ATP2B2: variants seen among roughly 807,000 people sequenced by gnomAD.
ATP2B2 encodes ATPase plasma membrane Ca2+ transporting 2, also known as plasma membrane calcium-transporting ATPase 2.
Under a neutral mutation model 120.0 loss-of-function variants are expected in ATP2B2, and 15 were observed. That is an observed-to-expected ratio of 0.12 (90% confidence interval 0.08 to 0.19). ATP2B2 has a LOEUF of 0.19. Ranked by LOEUF, ATP2B2 falls within the 10% of genes least tolerant of loss-of-function variation. The pLI is 1.00. For missense variants in ATP2B2, 1,045 were observed against 1,719.8 expected (o/e 0.61, Z 6.94); for synonymous variants, 694 against 700.3 (o/e 0.99, Z 0.14).
intron 4 of ATP2B2, 149 bp downstream of exon 4, chr3:10,401,942 C>T (rs1245421052): frequency 5.9e-6 from 8 of 1,354,494 alleles, no homozygotes; most frequent in Admixed American, 5.3e-5. Context: ...CCTTCCACCT[C>T]CTAAAGGATC....
rs117579694 is a variant in ATP2B2, at chr3:10,478,972, C to T, written c.-320+26493G>A. ...TAAAAGTGGCACTTCCCCCTTTGGG[C>T]GCTCTCTCTCTTCTGCCACCATGTA... On this transcript the variant is annotated intron_variant, in intron 1 of 22. Transcript: ENST00000360273. Among the ~76,000 whole-genome samples, 117 of 152,278 alleles carry T rather than the reference C, an allele frequency of 7.7e-4. 5 individuals are homozygous for T. The East Asian group carries it at 0.019, about 24-fold the overall frequency.
intron 9 of ATP2B2, among the ~76,000 whole-genome samples, chr3:10,378,747 C>A (rs1026499311): frequency 6.6e-6 from 1 of 152,204 alleles, no homozygotes; most frequent in Non-Finnish European, 1.5e-5. Flanking sequence ...TCAGACAAGA[C>A]AGACAGGCTT....
At chr3:10,465,423 G>C (rs990440417) in intron 1 of ATP2B2, among the ~76,000 whole-genome samples, 1 of 152,236 alleles carries the variant, frequency 6.6e-6, no homozygotes, top group Non-Finnish European at 1.5e-5. Context: ...GGGAGGTGCT[G>C]TTTGCTTCCC....
intron 2 of ATP2B2, among the ~76,000 whole-genome samples, chr3:10,567,500 C>G (rs1464094848): frequency 6.6e-6 from 1 of 152,172 alleles, no homozygotes; most frequent in Non-Finnish European, 1.5e-5. Flanking sequence ...TGCAATCTGA[C>G]AGCCTCCCTT....
intron 2 of ATP2B2, among the ~76,000 whole-genome samples, chr3:10,617,508 G>T (rs1241809055): frequency 1.3e-5 from 2 of 152,250 alleles, no homozygotes; most frequent in African/African-American, 4.8e-5. Context: ...CTCGCTGTTT[G>T]CTCAGCATTC....
In ATP2B2 at chr3:10,656,855, G is replaced by A. The variant is rs149594564; in HGVS notation, c.-459-36894C>T. ...CCCTGGGAAGTTCCGGAGGAAGGGA[G>A]TTTCTTCCCCTAGAAGAGGGCACAG... On this transcript the variant is annotated intron_variant, in intron 1 of 21. Transcript: ENST00000646379. Among the ~76,000 whole-genome samples, 183 of 152,372 alleles carry A rather than the reference G, an allele frequency of 1.2e-3. 2 individuals are homozygous for A. Among genetic ancestry groups the A allele is most frequent in the African/African-American group, 4.0e-3 (166 of 41,588 alleles).
intron 3 of ATP2B2, among the ~76,000 whole-genome samples, chr3:10,519,311 T>C (rs1171469279): frequency 6.6e-6 from 1 of 152,196 alleles, no homozygotes; most frequent in African/African-American, 2.4e-5. Flanking sequence ...TCACTCACCG[T>C]CTGCAATAAA....
At chr3:10,416,906 G>T (rs1447594316) in intron 2 of ATP2B2, among the ~76,000 whole-genome samples, 1 of 151,468 alleles carries the variant, frequency 6.6e-6, no homozygotes, top group African/African-American at 2.4e-5. Context: ...CTTCCCAGAT[G>T]GGGCGGCAGC....
intron 1 of ATP2B2, among the ~76,000 whole-genome samples, chr3:10,652,353 G>A (rs759441994): frequency 7.2e-5 from 11 of 152,222 alleles, no homozygotes; most frequent in Non-Finnish European, 1.0e-4. Flanking sequence ...ATGATGGGCA[G>A]TCCTCTGCAG....
chr3:10,425,013 G>A (rs2063101765), intron 2 of ATP2B2, among the ~76,000 whole-genome samples: 1 of 152,044 alleles, frequency 6.6e-6, no homozygotes, highest in Admixed American at 6.6e-5. Flanking sequence ...AATTTTGGCT[G>A]GGCACGGTGG....
At chr3:10,688,385 A>C (rs905010478) in intron 1 of ATP2B2, among the ~76,000 whole-genome samples, 1 of 152,240 alleles carries the variant, frequency 6.6e-6, no homozygotes, top group Non-Finnish European at 1.5e-5. Flanking sequence ...GGAGCTTGTC[A>C]TCAACTGCAC....
rs2062591014 is a variant in ATP2B2, at chr3:10,410,955, T to C, written c.200-140A>G. ...CAGGAGCCCAACATCTCTTCATGCT[T>C]TGGGCCCTAAGTTGGTTCCTGCCAA... On this transcript the variant is annotated intron_variant, in intron 2 of 22. Transcript: ENST00000360273. The C allele has an allele frequency of 1.9e-5, 20 of 1,053,654 alleles. 1 individual carries two copies. The highest frequency in any genetic ancestry group is 2.8e-5 in the Non-Finnish European group (20 of 708,294). The allele number at this position is 1,053,654 out of a possible 1,614,324, so 65.3% of individuals were successfully genotyped here.
At chr3:10,458,062 TCCAA>T (rs1383711309) in intron 1 of ATP2B2, among the ~76,000 whole-genome samples, 6 of 152,138 alleles carry the variant, frequency 3.9e-5, no homozygotes, top group Non-Finnish European at 8.8e-5. Flanking sequence ...CATCCATCCA[TCCAA>T]CCATCCATCC....
intron 12 of ATP2B2, among the ~76,000 whole-genome samples, chr3:10,362,349 T>C (rs1449028568): frequency 6.6e-6 from 1 of 152,160 alleles, no homozygotes; most frequent in Non-Finnish European, 1.5e-5. Flanking sequence ...GGCCTATTCT[T>C]CCCTCTTCTG....
At chr3:10,381,907 C>G (rs1372379897) in intron 8 of ATP2B2, among the ~76,000 whole-genome samples, 1 of 152,132 alleles carries the variant, frequency 6.6e-6, no homozygotes, top group Non-Finnish European at 1.5e-5. Flanking sequence ...GGGAGAGAGA[C>G]CACTACCTGG....
chr3:10,488,463 A>ATTCCTTCCTTCCTTCCTTCC (rs1257729803), intron 1 of ATP2B2, among the ~76,000 whole-genome samples: 40 of 95,804 alleles, frequency 4.2e-4, no homozygotes, highest in South Asian at 1.5e-3. Flanking sequence ...CACCCTACAA[A>ATTCCTTCCTTCCTTCCTTCC]TTCCTTCCTT....
At chr3:10,582,702 A>G (rs962099044) in intron 2 of ATP2B2, among the ~76,000 whole-genome samples, 1 of 152,182 alleles carries the variant, frequency 6.6e-6, no homozygotes, top group Non-Finnish European at 1.5e-5. Flanking sequence ...AGGGAACGGT[A>G]AGTGTAGAGT....
At chr3:10,369,704 C>T (rs1482455603) in intron 12 of ATP2B2, among the ~76,000 whole-genome samples, 1 of 152,176 alleles carries the variant, frequency 6.6e-6, no homozygotes, top group African/African-American at 2.4e-5. Context: ...CACAACAATC[C>T]AAGATTCTCC....
At chr3:10,391,625 C>T (rs1005265850) in intron 5 of ATP2B2, among the ~76,000 whole-genome samples, 2 of 152,176 alleles carry the variant, frequency 1.3e-5, no homozygotes, top group African/African-American at 4.8e-5. Context: ...AGTGCGCTCC[C>T]CGCCCAGACC....
Sources: allele counts gnomAD v4.1 joint callset (sites outside exome capture counted in the v4.1 genomes callset), GRCh38; gene constraint gnomAD v4.1.1; transcripts MANE v1.5; gene names NCBI Gene and HGNC (gene_info 2026-07-23, HGNC 2026-07-21).